The following DARS2 variants were observed in gnomAD, a reference collection of about 807,000 sequenced individuals.
The protein encoded by DARS2 is aspartate--tRNA ligase, mitochondrial.
A neutral mutation model predicts 83.0 loss-of-function variants in DARS2; 63 were observed. The ratio of observed to expected loss-of-function variants is 0.76; its 90% CI spans 0.62 to 0.94. The LOEUF (loss-of-function observed/expected upper bound fraction) is 0.94. Among genes scored for constraint, DARS2 ranks in the 40% least tolerant of loss-of-function variants. The pLI, the probability that DARS2 is intolerant of heterozygous loss-of-function variation, is 0.00. For synonymous variants in DARS2, 250 were observed against 269.3 expected (o/e 0.93, Z 0.70); for missense variants, 675 against 774.4 (o/e 0.87, Z 1.52).
intron 13 of DARS2, 41 bp downstream of exon 13, chr1:173,850,520 G>C: frequency 4.4e-6 from 7 of 1,593,500 alleles, no homozygotes; most frequent in Non-Finnish European, 6.0e-6. Context: ...TGTTGATGCT[G>C]AACAATGCCT....
intron 10 of DARS2, 112 bp downstream of exon 10, chr1:173,839,658 C>A (rs1347258755): frequency 3.0e-6 from 3 of 990,538 alleles, no homozygotes; most frequent in Non-Finnish European, 4.7e-6. Flanking sequence ...TTTGTTGTTA[C>A]CTTGTTACCT....
intron 7 of DARS2, 73 bp from the exon 8 acceptor site, chr1:173,836,867 T>A: frequency 8.4e-7 from 1 of 1,191,482 alleles, no homozygotes; most frequent in Non-Finnish European, 1.3e-6. Flanking sequence ...CAACTTCTAC[T>A]AGTTAGTTAT....
At chr1:173,832,816 T>C (rs1652844587) in intron 5 of DARS2, among the ~76,000 whole-genome samples, 1 of 151,736 alleles carries the variant, frequency 6.6e-6, no homozygotes. Flanking sequence ...CTATTTCTAC[T>C]AGTACAGCCA....
chr1:173,841,194 G>A (rs1430299602), intron 11 of DARS2, among the ~76,000 whole-genome samples: 2 of 152,068 alleles, frequency 1.3e-5, no homozygotes, highest in Non-Finnish European at 2.9e-5. Context: ...GGCTAACATG[G>A]TGAAACCCCA....
At chr1:173,842,481 T>C (rs1170078746) in intron 11 of DARS2, among the ~76,000 whole-genome samples, 3 of 149,778 alleles carry the variant, frequency 2.0e-5, no homozygotes, top group Admixed American at 1.3e-4. Flanking sequence ...TTTTGTATTT[T>C]TAGTAGAGAT....
intron 5 of DARS2, among the ~76,000 whole-genome samples, chr1:173,833,022 C>T (rs983578302): frequency 2.0e-5 from 3 of 152,100 alleles, no homozygotes; most frequent in African/African-American, 4.8e-5. Context: ...AGGCACATGC[C>T]ACCATGCCCA....
In DARS2 at chr1:173,838,242, C is replaced by T. The variant is rs753732596; in HGVS notation, c.823C>T (p.Gln275Ter). The change falls in exon 9 of 17, where the codon CAG becomes TAG. Residue 275 changes from glutamine to a stop codon, truncating the protein, a stop_gained. Coordinates refer to ENST00000649689, the MANE Select transcript of DARS2 (RefSeq NM_018122.5). LOFTEE classifies it high-confidence loss of function. ...YRDEGSRPDRQPEFTQIDIEM... is the reference protein window; with the variant it reads ...YRDEGSRPDR ...AGATGAAGGTTCAAGACCAGACAGA[C>T]AGCCTGAGTTTACTCAGGTACAAAG... 5.0e-6 allele frequency: 8 copies of T among 1,613,360 alleles called. No homozygotes were observed. Among genetic ancestry groups the T allele is most frequent in the Non-Finnish European group, 4.2e-6 (5 of 1,179,460 alleles).
chr1:173,834,405 T>C (rs1652901147), intron 6 of DARS2, 68 bp from the exon 7 acceptor site: 10 of 1,184,864 alleles, frequency 8.4e-6, no homozygotes, highest in Non-Finnish European at 2.5e-6. Flanking sequence ...TTGTACTATA[T>C]TGTGGACATC....
intron 7 of DARS2, among the ~76,000 whole-genome samples, chr1:173,835,827 A>G (rs1329544015): frequency 1.3e-5 from 2 of 151,802 alleles, no homozygotes; most frequent in African/African-American, 4.8e-5. Flanking sequence ...GCCGAAGCAG[A>G]TGGATCACCT....
rs758386655 is a variant in DARS2 at position 173,853,766 on chromosome 1, C to G, written c.1564-29C>G. On this transcript the variant is annotated intron_variant, in intron 14 of 16. Transcript: ENST00000649689. Reference sequence around the variant, plus strand: ...TAGAACAGAAAACCAGACATTTTCTCTAACATAAAGTATCTGTGAATCTTC... The same window carrying G: ...TAGAACAGAAAACCAGACATTTTCTGTAACATAAAGTATCTGTGAATCTTC... 4 of 1,594,816 alleles carry G rather than the reference C, an allele frequency of 2.5e-6. No individual in the cohort carries two copies. In the East Asian group the frequency reaches 6.7e-5, roughly 27 times the overall value.
rs936684812 is a variant in DARS2, at chr1:173,858,161, T to A, written c.*456T>A. ...GAATCATATAAATTAAGCTTTATAA[T>A]GACATTTCAACCATCAACATAATAT... On this transcript the variant is annotated 3_prime_UTR_variant, in exon 17 of 17. Coordinates refer to ENST00000649689, the MANE Select transcript of DARS2 (RefSeq NM_018122.5). 5.1e-6 allele frequency: 1 copy of A among 196,286 alleles called. No individual in the cohort carries two copies. 12.2% of individuals were successfully genotyped at this position (196,286 alleles called of 1,614,324 possible).
At chr1:173,834,332 C>T (rs899176448) in intron 6 of DARS2, 141 bp from the exon 7 acceptor site, 9 of 659,276 alleles carry the variant, frequency 1.4e-5, no homozygotes, top group East Asian at 1.1e-4. Context: ...TAGAAACCAG[C>T]ACCAGTAGGC....
At chr1:173,853,725 C>A in intron 14 of DARS2, 70 bp from the exon 15 acceptor site, 1 of 1,518,174 alleles carries the variant, frequency 6.6e-7, no homozygotes, top group Non-Finnish European at 9.1e-7. Context: ...TAAAAATCTA[C>A]AGGGTCTTCA....
chr1:173,837,778 C>CTT (rs879536808), intron 8 of DARS2, among the ~76,000 whole-genome samples: 2 of 146,682 alleles, frequency 1.4e-5, no homozygotes. Flanking sequence ...GTATTTCTTA[C>CTT]TTTTTTTTTT....
intron 11 of DARS2, among the ~76,000 whole-genome samples, chr1:173,841,483 G>C (rs1653208296): frequency 6.6e-6 from 1 of 151,920 alleles, no homozygotes; most frequent in Non-Finnish European, 1.5e-5. Context: ...CCAGATCCGG[G>C]GTGTTTTTCT....
At chr1:173,852,264 G>A (rs1006876978) in intron 13 of DARS2, 1 of 981,792 alleles carries the variant, frequency 1.0e-6, no homozygotes, top group Non-Finnish European at 1.2e-6. Context: ...CATACCATAG[G>A]TAGCACTTAT....
intron 11 of DARS2, among the ~76,000 whole-genome samples, chr1:173,842,284 C>CTTTTTTTTTTTTTTTTTTTTTTTTT: frequency 1.6e-5 from 1 of 64,224 alleles, no homozygotes; most frequent in Non-Finnish European, 2.7e-5. Flanking sequence ...TCATTACTTT[C>CTTTTTTTTTTTTTTTTTTTTTTTTT]TTTTTTTTTT....
intron 11 of DARS2, among the ~76,000 whole-genome samples, chr1:173,845,000 G>A (rs555118033): frequency 1.6e-4 from 24 of 151,794 alleles, no homozygotes; most frequent in Middle Eastern, 3.4e-3. Flanking sequence ...CACCATGTTG[G>A]TCGGGCTGGT....
At chr1:173,834,590 A>G in intron 7 of DARS2, 71 bp downstream of exon 7, 1 of 1,215,328 alleles carries the variant, frequency 8.2e-7, no homozygotes, top group Non-Finnish European at 1.2e-6. Context: ...CTTTGCTTTT[A>G]TATTCACTTG....
Sources: allele counts gnomAD v4.1 joint callset (sites outside exome capture counted in the v4.1 genomes callset), GRCh38; gene constraint gnomAD v4.1.1; transcripts MANE v1.5; gene names NCBI Gene and HGNC (gene_info 2026-07-23, HGNC 2026-07-21).